EML6: variants seen among roughly 807,000 people sequenced by gnomAD.
The protein encoded by EML6 is echinoderm microtubule-associated protein-like 6.
Under a neutral mutation model 240.1 loss-of-function variants are expected in EML6, and 154 were observed. The observed-to-expected ratio is 0.64, with a 90% CI of 0.56 to 0.73. The LOEUF is 0.73. EML6 is among the 30% of genes least tolerant of loss of function. The pLI, the probability that EML6 is intolerant of heterozygous loss-of-function variation, is 0.00. For synonymous variants in EML6, 1,148 were observed against 899.0 expected, an observed-to-expected ratio of 1.28 and a Z score of -4.95; for missense variants, 2,964 against 2,474.6, an observed-to-expected ratio of 1.20 and a Z score of -4.20.
At position 54,813,386 on chromosome 2, in the gene EML6, G is replaced by A. The variant is rs770459765; in HGVS notation, c.352G>A (p.Gly118Arg). The part of the protein sequence containing the change: ...GVACLAFDSD[G>R]QRLASVGLDA... Reference sequence around the variant, plus strand: ...TGCCTGCCTGGCTTTTGACTCAGATGGACAGGTGTGTATCTTTTTTTAGTT... The same window carrying A: ...TGCCTGCCTGGCTTTTGACTCAGATAGACAGGTGTGTATCTTTTTTTAGTT... Residue 118 changes from glycine to arginine, a missense_variant, in exon 3 of 42, where the codon GGA (glycine) becomes AGA (arginine). Physicochemically the swap from Gly to Arg is moderately radical, Grantham distance 125 (BLOSUM62 -2). Transcript: ENST00000356458. 6.5e-7 allele frequency: 1 copy of A among 1,550,336 alleles called. No individual in the cohort carries two copies. Among genetic ancestry groups the A allele is most frequent in the South Asian group, 1.2e-5 (1 of 83,872 alleles).
In EML6 at chr2:54,921,544, C is replaced by G. The variant is rs13402094; in HGVS notation, c.3675+4609C>G. 5.3e-3 allele frequency among the ~76,000 whole-genome samples: 803 copies of G among 152,120 alleles called. 8 individuals carry two copies. Among genetic ancestry groups the G allele is most frequent in the African/African-American group, 0.018 (748 of 41,522 alleles). On this transcript the variant is annotated intron_variant, in intron 26 of 41. Coordinates refer to ENST00000356458, the MANE Select transcript of EML6 (RefSeq NM_001039753.4). ...ATTCAATGTAATCCTTATCAAAATT[C>G]CAAAGGCATTTTTTTCACAAAAATT...
intron 35 of EML6, among the ~76,000 whole-genome samples, chr2:54,961,184 G>GTTGTTTTTTTTTTTTTGTTTTTTTGT: frequency 0.025 from 1,382 of 55,342 alleles, 242 homozygotes; most frequent in Middle Eastern, 0.054. Flanking sequence ...TCAGGAAGTA[G>GTTGTTTTTTTTTTTTTGTTTTTTTGT]TTTTTTTTTT....
At chr2:54,827,812 C>A (rs1668669516) in intron 6 of EML6, 61 bp downstream of exon 6, 2 of 1,187,288 alleles carry the variant, frequency 1.7e-6, no homozygotes, top group African/African-American at 1.5e-5. Context: ...ACCACGAATC[C>A]CTCCCTGTAT....
chr2:54,961,633 C>G (rs1007922401), intron 35 of EML6, among the ~76,000 whole-genome samples: 1 of 151,988 alleles, frequency 6.6e-6, no homozygotes, highest in African/African-American at 2.4e-5. Flanking sequence ...GAAGCTCTCA[C>G]CTGAGGTAGC....
At chr2:54,765,423 C>T (rs1303560642) in intron 2 of EML6, among the ~76,000 whole-genome samples, 1 of 152,144 alleles carries the variant, frequency 6.6e-6, no homozygotes, top group Non-Finnish European at 1.5e-5. Context: ...CTTTTCCCTA[C>T]AAACTTAAGG....
At chr2:54,934,264 T>A (rs1281308312) in intron 28 of EML6, among the ~76,000 whole-genome samples, 3 of 152,184 alleles carry the variant, frequency 2.0e-5, no homozygotes, top group Non-Finnish European at 4.4e-5. Context: ...TGTCCCAGGT[T>A]CCTACTGGGA....
At chr2:54,856,420 G>A (rs1392099502) in intron 11 of EML6, among the ~76,000 whole-genome samples, 1 of 152,138 alleles carries the variant, frequency 6.6e-6, no homozygotes, top group Non-Finnish European at 1.5e-5. Context: ...TTACACCTCA[G>A]CAACCCACAA....
At chr2:54,778,622 C>T (rs1309466865) in intron 2 of EML6, among the ~76,000 whole-genome samples, 2 of 152,112 alleles carry the variant, frequency 1.3e-5, no homozygotes, top group African/African-American at 4.8e-5. Context: ...GGCGCAGTAG[C>T]TCACACCTGT....
chr2:54,789,658 A>G (rs1669319478), intron 2 of EML6, among the ~76,000 whole-genome samples: 1 of 151,736 alleles, frequency 6.6e-6, no homozygotes, highest in Admixed American at 6.6e-5. Flanking sequence ...CATGTGCCAG[A>G]TACTGTATTG....
At chr2:54,790,003 T>G (rs1669341914) in intron 2 of EML6, among the ~76,000 whole-genome samples, 1 of 152,224 alleles carries the variant, frequency 6.6e-6, no homozygotes, top group South Asian at 2.1e-4. Context: ...CGTATATGTG[T>G]TGTATTTTTA....
chr2:54,950,547 A>C, intron 29 of EML6, 103 bp from the exon 30 acceptor site: 293 of 1,327,258 alleles, frequency 2.2e-4, no homozygotes, highest in Non-Finnish European at 2.7e-4. Flanking sequence ...CACCAGCCAT[A>C]CCGTTCCTGG....
chr2:54,953,833 G>A (rs1676101275), intron 31 of EML6, 150 bp from the exon 32 acceptor site: 1 of 610,754 alleles, frequency 1.6e-6, no homozygotes, highest in East Asian at 2.9e-5. Flanking sequence ...GTTGCGGTGA[G>A]CTGAGCTGGT....
In EML6 at chr2:54,844,057, C is replaced by G; in HGVS notation, c.858C>G (p.Ile286Met). 6.5e-7 allele frequency: 1 copy of G among 1,550,170 alleles called. No individual in the cohort carries two copies. Among genetic ancestry groups the G allele is most frequent in the Non-Finnish European group, 8.7e-7 (1 of 1,146,380 alleles). ...ETEQGYKGLSIRSVCWKADRL... is the reference protein window; with the variant it reads ...ETEQGYKGLSMRSVCWKADRL... ...ACTTATTTTTGTCAGGCCTCTCTAT[C>G]CGGAGCGTGTGCTGGAAAGCAGACC... is the stretch of plus-strand genomic sequence containing the variant. Residue 286 changes from isoleucine to methionine, a missense_variant, in exon 8 of 42, where the codon ATC becomes ATG. Ile to Met is a conservative substitution (Grantham distance 10). Coordinates refer to ENST00000356458, the MANE Select transcript of EML6 (RefSeq NM_001039753.4).
chr2:54,787,302 G>C (rs918789551), intron 2 of EML6, among the ~76,000 whole-genome samples: 1 of 152,068 alleles, frequency 6.6e-6, no homozygotes, highest in African/African-American at 2.4e-5. Context: ...GGTTGGGGGG[G>C]GGTCTTTGTG....
At chr2:54,950,221 C>T (rs1302213381) in intron 29 of EML6, among the ~76,000 whole-genome samples, 1 of 152,226 alleles carries the variant, frequency 6.6e-6, no homozygotes, top group African/African-American at 2.4e-5. Flanking sequence ...TGGCCTTTGA[C>T]TCTATGTTCT....
chr2:54,802,654 C>CTACTAG (rs1412096704), intron 2 of EML6, among the ~76,000 whole-genome samples: 2 of 149,546 alleles, frequency 1.3e-5, no homozygotes, highest in African/African-American at 4.9e-5. Flanking sequence ...ACTACTACTA[C>CTACTAG]TACTACTACT....
chr2:54,873,826 C>T lies in EML6; in HGVS notation c.2344+2221C>T, dbSNP rs563916858. On this transcript the variant is annotated intron_variant, in intron 16 of 41. Transcript: ENST00000356458. ...CTTTTGGCAGCACTGAAAATTGACT[C>T]AATTCTAGCAAACAATCTGGCAATG... Among the ~76,000 whole-genome samples, 320 of 144,802 alleles carry T rather than the reference C, an allele frequency of 2.2e-3. 5 individuals are homozygous for T. The highest frequency in any genetic ancestry group is 7.8e-3 in the African/African-American group (304 of 38,740). 95.0% of individuals were successfully genotyped at this position (144,802 alleles called of 152,430 possible). A position where few individuals can be genotyped will look rare whatever the true frequency, so the allele number is the denominator to read the frequency against.
At chr2:54,805,537 T>C (rs1670423142) in intron 2 of EML6, among the ~76,000 whole-genome samples, 1 of 152,214 alleles carries the variant, frequency 6.6e-6, no homozygotes, top group Non-Finnish European at 1.5e-5. Context: ...AATTAAGTTG[T>C]GTTCTTATTA....
intron 38 of EML6, among the ~76,000 whole-genome samples, chr2:54,965,700 G>A (rs1358945871): frequency 6.6e-6 from 1 of 152,184 alleles, no homozygotes; most frequent in Non-Finnish European, 1.5e-5. Flanking sequence ...GATCAGATGA[G>A]CCAGTGTATT....
Sources: gnomAD v4.1 joint callset for allele counts (sites outside exome capture counted in the v4.1 genomes callset) on GRCh38, gnomAD v4.1.1 for gene constraint, MANE v1.5 for transcripts, NCBI Gene and HGNC (gene_info 2026-07-23, HGNC 2026-07-21) for gene names.